Variants in MSI2 observed in about 807,000 individuals in gnomAD.
MSI2 encodes musashi RNA binding protein 2.
MSI2 carries 17 observed loss-of-function variants against 45.6 expected under a neutral mutation model. The ratio of observed to expected loss-of-function variants is 0.37; its 90% CI spans 0.26 to 0.56. MSI2 has a LOEUF of 0.56. MSI2 is among the 20% of genes least tolerant of loss of function. The pLI is 0.77. For missense variants in MSI2, 293 were observed against 444.2 expected (o/e 0.66, Z 3.06); for synonymous variants, 156 against 158.2 (o/e 0.99, Z 0.11).
intron 5 of MSI2, among the ~76,000 whole-genome samples, chr17:57,270,973 G>A (rs914365825): frequency 2.0e-5 from 3 of 152,300 alleles, no homozygotes; most frequent in Non-Finnish European, 4.4e-5. Context: ...GGGGATGCTT[G>A]ATGGGCATTA....
At chr17:57,617,822 G>A (rs1048971965) in intron 9 of MSI2, among the ~76,000 whole-genome samples, 2 of 152,088 alleles carry the variant, frequency 1.3e-5, no homozygotes, top group Admixed American at 6.5e-5. Flanking sequence ...TGTAATCCCA[G>A]CAATTTGGGA....
chr17:57,326,046 G>T (rs1026443173), intron 5 of MSI2, among the ~76,000 whole-genome samples: 1 of 152,056 alleles, frequency 6.6e-6, no homozygotes, highest in Non-Finnish European at 1.5e-5. Context: ...CCTTCAAGCG[G>T]CAGCTTAAAC....
intron 7 of MSI2, among the ~76,000 whole-genome samples, chr17:57,541,292 C>T (rs550501056): frequency 6.6e-6 from 1 of 152,248 alleles, no homozygotes; most frequent in East Asian, 1.9e-4. Flanking sequence ...ATTCCCAACT[C>T]CAGCGACACA....
At chr17:57,502,116 C>T (rs542796762) in intron 6 of MSI2, among the ~76,000 whole-genome samples, 51 of 152,176 alleles carry the variant, frequency 3.4e-4, no homozygotes, top group African/African-American at 1.2e-3. Context: ...CTCCAAGGGT[C>T]CTCTAGGAAG....
At chr17:57,313,388 A>G (rs539631031) in intron 5 of MSI2, among the ~76,000 whole-genome samples, 1 of 152,308 alleles carries the variant, frequency 6.6e-6, no homozygotes, top group East Asian at 1.9e-4. Context: ...GCCTTTTGAC[A>G]AAAGAATTAC....
chr17:57,543,122 G>A (rs1048749864), intron 7 of MSI2, among the ~76,000 whole-genome samples: 6 of 152,158 alleles, frequency 3.9e-5, no homozygotes, highest in African/African-American at 1.4e-4. Flanking sequence ...ACAAAACGGA[G>A]GTGCAGGAGC....
At chr17:57,531,580 G>A (rs2086822532) in intron 7 of MSI2, among the ~76,000 whole-genome samples, 1 of 152,190 alleles carries the variant, frequency 6.6e-6, no homozygotes, top group Non-Finnish European at 1.5e-5. Flanking sequence ...ATTTGAGTTT[G>A]GCACCTGGTG....
At chr17:57,560,195 C>T (rs995090486) in intron 7 of MSI2, among the ~76,000 whole-genome samples, 7 of 152,332 alleles carry the variant, frequency 4.6e-5, no homozygotes, top group African/African-American at 1.7e-4. Flanking sequence ...CAGTTCATTG[C>T]GTAATGACAT....
chr17:57,694,222 G>A, the MSI2 span, among the ~76,000 whole-genome samples: 3 of 152,192 alleles, frequency 2.0e-5, no homozygotes, highest in Non-Finnish European at 4.4e-5. Flanking sequence ...GTCAGAAGTT[G>A]ACTTGGATTT....
chr17:57,427,464 T>A (rs759886999), intron 6 of MSI2, among the ~76,000 whole-genome samples: 7 of 151,878 alleles, frequency 4.6e-5, no homozygotes, highest in Non-Finnish European at 8.8e-5. Flanking sequence ...GTACAGGACC[T>A]CACGGGATGT....
intron 6 of MSI2, among the ~76,000 whole-genome samples, chr17:57,517,666 C>T (rs993123015): frequency 1.2e-4 from 19 of 152,180 alleles, no homozygotes; most frequent in African/African-American, 4.3e-4. Context: ...CCAACATGCA[C>T]TCCAAGATCT....
At chr17:57,692,959 T>C in the MSI2 span, among the ~76,000 whole-genome samples, 2 of 151,926 alleles carry the variant, frequency 1.3e-5, no homozygotes, top group African/African-American at 4.8e-5. Context: ...TGAGATTCTT[T>C]GAACTTCTTT....
chr17:57,326,265 T>G (rs1200445171), intron 5 of MSI2, among the ~76,000 whole-genome samples: 2 of 152,086 alleles, frequency 1.3e-5, no homozygotes, highest in African/African-American at 4.8e-5. Flanking sequence ...CACTTGGTAG[T>G]ATTTCTTGAT....
In MSI2 at chr17:57,417,949, T is replaced by TCTA. The variant is rs550124236; in HGVS notation, c.405+16479_405+16481dup. On this transcript the variant is annotated intron_variant, in intron 6 of 13. Transcript: ENST00000284073. ...TCACAATTGTTCCTTCCTCCCTGTG[T>TCTA]CTAGGAATTACAGAGTCATTGTTAT... Among the ~76,000 whole-genome samples the TCTA allele has an allele frequency of 2.6e-5, 4 of 152,358 alleles. No individual in the cohort carries two copies. In the East Asian group the frequency reaches 7.7e-4, roughly 29 times the overall value.
At chr17:57,499,334 C>T (rs2143854558) in intron 6 of MSI2, among the ~76,000 whole-genome samples, 1 of 146,552 alleles carries the variant, frequency 6.8e-6, no homozygotes, top group South Asian at 2.1e-4. Context: ...CGAGATTGTG[C>T]CACGGCACTC....
At chr17:57,580,555 G>A (rs906896265) in intron 7 of MSI2, among the ~76,000 whole-genome samples, 5 of 152,148 alleles carry the variant, frequency 3.3e-5, no homozygotes, top group African/African-American at 7.2e-5. Context: ...CCAGGTGGAC[G>A]GCTTCATTAG....
At chr17:57,462,568 A>G (rs2085251312) in intron 6 of MSI2, among the ~76,000 whole-genome samples, 1 of 152,222 alleles carries the variant, frequency 6.6e-6, no homozygotes, top group Non-Finnish European at 1.5e-5. Context: ...GGACAAGAAA[A>G]AGGGTATATC....
At chr17:57,425,645 A>T (rs901943987) in intron 6 of MSI2, among the ~76,000 whole-genome samples, 1 of 152,222 alleles carries the variant, frequency 6.6e-6, no homozygotes, top group Admixed American at 6.5e-5. Context: ...AGTTAGGATC[A>T]TTTAGGTTGT....
chr17:57,674,198 C>A (rs971121441), intron 11 of MSI2, among the ~76,000 whole-genome samples: 2 of 149,618 alleles, frequency 1.3e-5, no homozygotes, highest in Admixed American at 1.3e-4. Context: ...CATCCTCCGA[C>A]CACGTTCAGT....
Sources: allele counts gnomAD v4.1 joint callset (sites outside exome capture counted in the v4.1 genomes callset), GRCh38; gene constraint gnomAD v4.1.1; transcripts MANE v1.5; gene names NCBI Gene and HGNC (gene_info 2026-07-23, HGNC 2026-07-21).